Variants in KCND2 observed in about 807,000 individuals in gnomAD.
KCND2 encodes the protein A-type voltage-gated potassium channel KCND2.
A neutral mutation model predicts 54.4 loss-of-function variants in KCND2; 16 were observed. That is an observed-to-expected ratio of 0.29 (90% CI 0.20 to 0.45). The LOEUF (loss-of-function observed/expected upper bound fraction) is 0.45. Among genes scored for constraint, KCND2 ranks in the 20% least tolerant of loss-of-function variants. The probability of loss-of-function intolerance (pLI) is 1.00; values close to 1 mark genes in which losing one functional copy is unlikely to be tolerated. For missense variants in KCND2, 486 were observed against 824.2 expected (o/e 0.59, Z 5.02); for synonymous variants, 317 against 310.7 (o/e 1.02, Z -0.21).
intron 2 of KCND2, among the ~76,000 whole-genome samples, chr7:120,737,861 C>T (rs1196893025): frequency 6.6e-6 from 1 of 151,836 alleles, no homozygotes; most frequent in Non-Finnish European, 1.5e-5. Context: ...TTAAGGCTAC[C>T]TAGGATACCT....
chr7:120,642,666 T>C (rs1348701574), intron 1 of KCND2, among the ~76,000 whole-genome samples: 2 of 151,894 alleles, frequency 1.3e-5, no homozygotes, highest in Admixed American at 1.3e-4. Flanking sequence ...TGTTAGATGT[T>C]CCACCGCTTT....
At chr7:120,522,995 T>C (rs974616861) in intron 1 of KCND2, among the ~76,000 whole-genome samples, 2 of 152,206 alleles carry the variant, frequency 1.3e-5, no homozygotes, top group Non-Finnish European at 1.5e-5. Context: ...GACTGGGCAA[T>C]TGAAGCAACC....
In KCND2 at chr7:120,314,332, C is replaced by CAA. The variant is rs761723040; in HGVS notation, c.1115+38599_1115+38600dup. ...TGGGTGACAGAGCAAGACTCCATCTCAAAAAAAAAAAAAAATGCATTTTTT... is the reference window on the plus strand; with the variant it reads ...TGGGTGACAGAGCAAGACTCCATCTCAAAAAAAAAAAAAAAAATGCATTTTTT... On this transcript the variant is annotated intron_variant, in intron 1 of 5. Transcript: ENST00000331113. Among the ~76,000 whole-genome samples the CAA allele has an allele frequency of 1.4e-4, 13 of 96,272 alleles. No homozygotes were observed. The East Asian group carries it at 2.2e-3, about 16-fold the overall frequency. The allele number at this position is 96,272 out of a possible 152,430, so 63.2% of individuals were successfully genotyped here.
At chr7:120,480,805 T>C (rs1802596532) in intron 1 of KCND2, among the ~76,000 whole-genome samples, 1 of 152,232 alleles carries the variant, frequency 6.6e-6, no homozygotes, top group Non-Finnish European at 1.5e-5. Flanking sequence ...TACTCTGTTA[T>C]AGCAGCAGAA....
chr7:120,426,298 A>G (rs1801704932), intron 1 of KCND2, among the ~76,000 whole-genome samples: 1 of 152,166 alleles, frequency 6.6e-6, no homozygotes, highest in African/African-American at 2.4e-5. Flanking sequence ...ACATTCTCTT[A>G]TGTCTCAAAG....
At chr7:120,636,970 G>A (rs537294941) in intron 1 of KCND2, among the ~76,000 whole-genome samples, 1 of 152,182 alleles carries the variant, frequency 6.6e-6, no homozygotes, top group East Asian at 1.9e-4. Context: ...TTCAGACTTT[G>A]TGGCTCCATT....
At chr7:120,325,208 A>ACG in intron 1 of KCND2, among the ~76,000 whole-genome samples, 2 of 70,338 alleles carry the variant, frequency 2.8e-5, no homozygotes, top group African/African-American at 4.6e-5. Context: ...GGGCTAAGAG[A>ACG]ATGGGGTTTT....
intron 1 of KCND2, among the ~76,000 whole-genome samples, chr7:120,594,855 A>G (rs961735200): frequency 6.6e-6 from 1 of 151,948 alleles, no homozygotes; most frequent in African/African-American, 2.4e-5. Context: ...CCCCGTTTCT[A>G]CTAAAAATAC....
intron 1 of KCND2, among the ~76,000 whole-genome samples, chr7:120,307,240 A>G (rs1338123421): frequency 3.9e-5 from 6 of 152,050 alleles, no homozygotes; most frequent in Admixed American, 2.0e-4. Flanking sequence ...CACATCAAAT[A>G]AGGGGAATAA....
At chr7:120,743,478 A>G (rs1361919679) in intron 4 of KCND2, among the ~76,000 whole-genome samples, 1 of 152,216 alleles carries the variant, frequency 6.6e-6, no homozygotes, top group Non-Finnish European at 1.5e-5. Context: ...GCCTCTGTTT[A>G]TAAAACAAAA....
intron 1 of KCND2, among the ~76,000 whole-genome samples, chr7:120,363,631 C>A (rs1172783890): frequency 6.6e-6 from 1 of 152,098 alleles, no homozygotes; most frequent in Non-Finnish European, 1.5e-5. Flanking sequence ...CTGCTCAACC[C>A]TTGCTCCTCT....
chr7:120,316,169 A>G (rs1272310406), intron 1 of KCND2, among the ~76,000 whole-genome samples: 3 of 152,240 alleles, frequency 2.0e-5, no homozygotes, highest in Admixed American at 6.5e-5. Context: ...AGAAAAAACT[A>G]TACTCTTTTA....
rs752967201 is a variant in KCND2, at chr7:120,274,606, C to A, written c.-27C>A. ...GTGACCCATTGTAGACGCCTCGTTA[C>A]CCTTCTTCCTTCCGCTTCAAGTAAT... On this transcript the variant is annotated 5_prime_UTR_variant, in exon 1 of 6. Coordinates refer to ENST00000331113, the MANE Select transcript of KCND2 (RefSeq NM_012281.3). 3 of 1,614,134 alleles carry A rather than the reference C, an allele frequency of 1.9e-6. No homozygotes were observed. The highest frequency in any genetic ancestry group is 1.7e-5 in the Admixed American group (1 of 60,022).
chr7:120,542,420 C>G (rs970982696), intron 1 of KCND2, among the ~76,000 whole-genome samples: 1 of 151,982 alleles, frequency 6.6e-6, no homozygotes, highest in South Asian at 2.1e-4. Context: ...TTATTTTATT[C>G]TTCTCCAAGT....
chr7:120,359,243 T>C (rs866434949), intron 1 of KCND2, among the ~76,000 whole-genome samples: 6 of 152,276 alleles, frequency 3.9e-5, no homozygotes, highest in Middle Eastern at 6.8e-3. Flanking sequence ...TTTTCTTCAT[T>C]CTCTTGCCAA....
intron 1 of KCND2, among the ~76,000 whole-genome samples, chr7:120,435,732 G>GATATAT (rs112011873): frequency 6.7e-5 from 10 of 148,594 alleles, no homozygotes; most frequent in African/African-American, 2.5e-4. Context: ...CTAACCAGTG[G>GATATAT]ATATATATAT....
At chr7:120,498,556 C>T (rs1802885699) in intron 1 of KCND2, among the ~76,000 whole-genome samples, 1 of 152,054 alleles carries the variant, frequency 6.6e-6, no homozygotes, top group African/African-American at 2.4e-5. Flanking sequence ...AGATGGATCA[C>T]CTGAGTTCAG....
intron 1 of KCND2, among the ~76,000 whole-genome samples, chr7:120,394,367 C>T (rs983360999): frequency 6.6e-6 from 1 of 151,864 alleles, no homozygotes; most frequent in African/African-American, 2.4e-5. Flanking sequence ...CTAGTTGAGT[C>T]GTGAGTCCTG....
chr7:120,713,788 C>T (rs1463417112), intron 1 of KCND2, among the ~76,000 whole-genome samples: 1 of 152,094 alleles, frequency 6.6e-6, no homozygotes, highest in Non-Finnish European at 1.5e-5. Flanking sequence ...GATTTGCTGT[C>T]ATATTAGTTA....
Sources: gnomAD v4.1 joint callset for allele counts (sites outside exome capture counted in the v4.1 genomes callset) on GRCh38, gnomAD v4.1.1 for gene constraint, MANE v1.5 for transcripts, NCBI Gene and HGNC (gene_info 2026-07-23, HGNC 2026-07-21) for gene names.